TMTC2: variants seen among roughly 807,000 people sequenced by gnomAD.
The protein encoded by TMTC2 is transmembrane O-mannosyltransferase targeting cadherins 2.
Under a neutral mutation model 82.4 loss-of-function variants are expected in TMTC2, and 43 were observed. That is an observed-to-expected ratio of 0.52 (90% CI 0.41 to 0.67). The LOEUF (loss-of-function observed/expected upper bound fraction) is 0.67. TMTC2 is among the 30% of genes least tolerant of loss of function. TMTC2 has a pLI of 0.00. For missense variants in TMTC2, 919 were observed against 1,012.4 expected, an observed-to-expected ratio of 0.91 and a Z score of 1.25; for synonymous variants, 408 against 381.9, an observed-to-expected ratio of 1.07 and a Z score of -0.80.
chr12:82,834,189 TA>T (rs1365962723), intron 1 of TMTC2, among the ~76,000 whole-genome samples: 1 of 152,228 alleles, frequency 6.6e-6, no homozygotes, highest in Non-Finnish European at 1.5e-5. Context: ...AGGAAGACAT[TA>T]ATTAGTAATA....
intron 2 of TMTC2, among the ~76,000 whole-genome samples, chr12:82,879,438 G>T (rs999872314): frequency 6.6e-6 from 1 of 152,168 alleles, no homozygotes; most frequent in Admixed American, 6.5e-5. Context: ...TCACAATAGG[G>T]TTCCAGCTCC....
chr12:83,032,664 C>T (rs1311215695), intron 9 of TMTC2, among the ~76,000 whole-genome samples: 3 of 152,108 alleles, frequency 2.0e-5, no homozygotes, highest in Non-Finnish European at 4.4e-5. Flanking sequence ...CCTGCCTCAG[C>T]CTCACAAATA....
intron 7 of TMTC2, 47 bp downstream of exon 7, chr12:82,967,044 G>T: frequency 7.1e-7 from 1 of 1,398,922 alleles, no homozygotes; most frequent in South Asian, 1.2e-5. Context: ...AGGGACCTGT[G>T]GAGAAACAGG....
chr12:82,829,523 A>G lies in TMTC2; in HGVS notation c.84-27487A>G, dbSNP rs368755223. Among the ~76,000 whole-genome samples the G allele has an allele frequency of 1.3e-4, 20 of 152,288 alleles. No homozygotes were observed. The South Asian group carries it at 4.1e-3, about 32-fold the overall frequency. ...TTTTGTGAATATCTTAAAAATATTTACAGTGAAGAGATCATTGACTTTAAG... is the reference window on the plus strand; with the variant it reads ...TTTTGTGAATATCTTAAAAATATTTGCAGTGAAGAGATCATTGACTTTAAG... On this transcript the variant is annotated intron_variant, in intron 1 of 11. Coordinates refer to ENST00000321196, the MANE Select transcript of TMTC2 (RefSeq NM_152588.3).
At chr12:83,107,997 A>G (rs965443532) in intron 11 of TMTC2, among the ~76,000 whole-genome samples, 3 of 152,098 alleles carry the variant, frequency 2.0e-5, no homozygotes, top group Non-Finnish European at 1.5e-5. Context: ...AAAAGTGTGT[A>G]GAACCTCCCA....
intron 9 of TMTC2, among the ~76,000 whole-genome samples, chr12:83,048,961 G>A (rs889305586): frequency 2.6e-4 from 40 of 152,276 alleles, no homozygotes; most frequent in African/African-American, 9.4e-4. Context: ...GAGCCACTGC[G>A]TCCAGCCAGC....
At chr12:82,893,959 A>T (rs1239000585) in intron 2 of TMTC2, among the ~76,000 whole-genome samples, 2 of 152,192 alleles carry the variant, frequency 1.3e-5, no homozygotes, top group Non-Finnish European at 2.9e-5. Flanking sequence ...GATGGAGAGA[A>T]AAAGGACAGA....
At chr12:82,918,476 A>G (rs887205821) in intron 3 of TMTC2, among the ~76,000 whole-genome samples, 1 of 152,152 alleles carries the variant, frequency 6.6e-6, no homozygotes, top group Non-Finnish European at 1.5e-5. Flanking sequence ...CAAGATTTTC[A>G]TATAGGGACA....
At chr12:82,759,192 G>T (rs959688263) in intron 1 of TMTC2, 4 of 152,134 alleles carry the variant, frequency 2.6e-5, no homozygotes, top group African/African-American at 9.7e-5. Flanking sequence ...AGCAAATCTG[G>T]TTCACATCTT....
chr12:83,061,673 AT>A, intron 10 of TMTC2, 94 bp from the exon 11 acceptor site: 1 of 1,150,232 alleles, frequency 8.7e-7, no homozygotes, highest in Non-Finnish European at 1.2e-6. Context: ...TGTGACCAGA[AT>A]TTTTTTAAAA....
At chr12:82,959,561 T>G (rs1877803639) in intron 4 of TMTC2, among the ~76,000 whole-genome samples, 1 of 151,992 alleles carries the variant, frequency 6.6e-6, no homozygotes, top group Non-Finnish European at 1.5e-5. Context: ...TTGACCAAAG[T>G]AAGCAATGAG....
chr12:82,902,580 C>T (rs1874076327), intron 3 of TMTC2, among the ~76,000 whole-genome samples: 1 of 152,176 alleles, frequency 6.6e-6, no homozygotes, highest in African/African-American at 2.4e-5. Flanking sequence ...TGCTTCTATT[C>T]ACCTTCAAAG....
intron 2 of TMTC2, among the ~76,000 whole-genome samples, chr12:82,861,526 A>G (rs1365419839): frequency 6.6e-6 from 1 of 152,244 alleles, no homozygotes; most frequent in Non-Finnish European, 1.5e-5. Context: ...TATGAAAGTT[A>G]TATTTTTATT....
chr12:82,888,112 A>T (rs182746340), intron 2 of TMTC2, among the ~76,000 whole-genome samples: 28 of 152,178 alleles, frequency 1.8e-4, no homozygotes, highest in South Asian at 4.1e-4. Context: ...AAATAAAATT[A>T]AAAAATTACA....
intron 8 of TMTC2, among the ~76,000 whole-genome samples, chr12:83,003,269 G>T (rs2137371585): frequency 6.6e-6 from 1 of 152,072 alleles, no homozygotes. Context: ...CCCTTTGTCA[G>T]ACAGGTCTTT....
intron 8 of TMTC2, among the ~76,000 whole-genome samples, chr12:82,994,564 T>C (rs1394514380): frequency 2.0e-5 from 3 of 152,036 alleles, no homozygotes; most frequent in East Asian, 3.9e-4. Context: ...TATTCCATAT[T>C]ACTGGAGGCA....
intron 11 of TMTC2, among the ~76,000 whole-genome samples, chr12:83,093,558 G>T (rs766993496): frequency 5.9e-5 from 9 of 152,182 alleles, no homozygotes; most frequent in Non-Finnish European, 1.0e-4. Flanking sequence ...CTTATTGTTG[G>T]GTTTGTTTCT....
At chr12:82,793,405 T>C (rs1743749080) in intron 1 of TMTC2, among the ~76,000 whole-genome samples, 1 of 151,554 alleles carries the variant, frequency 6.6e-6, no homozygotes, top group African/African-American at 2.4e-5. Context: ...TATCTTCAGT[T>C]CTAAATGTAG....
chr12:82,714,185 G>T (rs898739125), intron 1 of TMTC2, among the ~76,000 whole-genome samples: 4 of 152,358 alleles, frequency 2.6e-5, no homozygotes, highest in African/African-American at 9.6e-5. Context: ...CTGGCATTGA[G>T]AATGGGATTA....
Sources: gnomAD v4.1 joint callset for allele counts (sites outside exome capture counted in the v4.1 genomes callset) on GRCh38, gnomAD v4.1.1 for gene constraint, MANE v1.5 for transcripts, NCBI Gene and HGNC (gene_info 2026-07-23, HGNC 2026-07-21) for gene names.